Variants in CERT1 observed in about 807,000 individuals in gnomAD.
CERT1 encodes the protein ceramide transporter 1, also known as ceramide transfer protein.
In CERT1, 31 loss-of-function variants were observed where a neutral mutation model predicts 87.9. The ratio of observed to expected loss-of-function variants is 0.35; its 90% CI spans 0.27 to 0.48. The LOEUF (loss-of-function observed/expected upper bound fraction) is 0.48, where lower values mean the gene tolerates loss of function less well. CERT1 is among the 20% of genes least tolerant of loss of function. The pLI, the probability that CERT1 is intolerant of heterozygous loss-of-function variation, is 0.99. For synonymous variants in CERT1, 289 were observed against 250.9 expected (o/e 1.15, Z -1.44); for missense variants, 487 against 758.0 (o/e 0.64, Z 4.20).
At chr5:75,395,046 C>T (rs893247599) in intron 11 of CERT1, among the ~76,000 whole-genome samples, 1 of 152,160 alleles carries the variant, frequency 6.6e-6, no homozygotes, top group Non-Finnish European at 1.5e-5. Context: ...ATTACTACAA[C>T]AATAATGTGC....
intron 2 of CERT1, among the ~76,000 whole-genome samples, chr5:75,504,659 C>G (rs1207707825): frequency 1.4e-5 from 2 of 144,136 alleles, no homozygotes; most frequent in East Asian, 1.9e-4. Context: ...TTAGTAAACT[C>G]TGTATTTTTG....
At chr5:75,404,051 TAA>T (rs987867495) in intron 8 of CERT1, among the ~76,000 whole-genome samples, 2 of 152,084 alleles carry the variant, frequency 1.3e-5, no homozygotes, top group African/African-American at 4.8e-5. Context: ...TTAAAATATA[TAA>T]AATAAGACAC....
intron 3 of CERT1, among the ~76,000 whole-genome samples, chr5:75,430,026 G>GA (rs1225670676): frequency 2.7e-3 from 383 of 143,094 alleles, no homozygotes; most frequent in African/African-American, 8.7e-3. Context: ...GGTCAAAATG[G>GA]AAAAAAAAAA....
intron 2 of CERT1, among the ~76,000 whole-genome samples, chr5:75,497,210 C>A (rs1767116449): frequency 6.6e-6 from 1 of 152,162 alleles, no homozygotes; most frequent in Non-Finnish European, 1.5e-5. Context: ...TCAACTGCAT[C>A]TTTGTCCCCC....
intron 15 of CERT1, 49 bp downstream of exon 15, chr5:75,381,900 A>G (rs775064405): frequency 1.3e-6 from 2 of 1,535,008 alleles, no homozygotes; most frequent in Non-Finnish European, 1.8e-6. Context: ...CGCATTGTGT[A>G]TTTAGCTTTA....
At chr5:75,372,107 T>A (rs1045775223) in intron 17 of CERT1, 29 of 152,236 alleles carry the variant, frequency 1.9e-4, no homozygotes, top group African/African-American at 7.0e-4. Context: ...TTAGTCCAAA[T>A]GCAACTAATG....
intron 3 of CERT1, among the ~76,000 whole-genome samples, chr5:75,452,584 A>C (rs1462201342): frequency 6.6e-6 from 1 of 152,174 alleles, no homozygotes; most frequent in African/African-American, 2.4e-5. Context: ...GATTCTGAAA[A>C]TAATCCTATA....
intron 3 of CERT1, among the ~76,000 whole-genome samples, chr5:75,458,830 G>A (rs777213145): frequency 3.3e-5 from 5 of 152,132 alleles, no homozygotes; most frequent in Admixed American, 6.5e-5. Flanking sequence ...GAATACAGGC[G>A]TGAGCCACCA....
At chr5:75,499,572 TC>T (rs1015792298) in intron 2 of CERT1, among the ~76,000 whole-genome samples, 16 of 152,316 alleles carry the variant, frequency 1.1e-4, no homozygotes, top group African/African-American at 3.6e-4. Flanking sequence ...AAATCTCTTT[TC>T]TTTATAAATT....
intron 3 of CERT1, among the ~76,000 whole-genome samples, chr5:75,452,825 T>C (rs1191662946): frequency 6.6e-6 from 1 of 152,170 alleles, no homozygotes; most frequent in Non-Finnish European, 1.5e-5. Context: ...CTAAGATATT[T>C]AAAACAAAAC....
At chr5:75,455,720 A>G (rs906487336) in intron 3 of CERT1, among the ~76,000 whole-genome samples, 2 of 152,178 alleles carry the variant, frequency 1.3e-5, no homozygotes, top group African/African-American at 4.8e-5. Flanking sequence ...ATACACCACA[A>G]TTTGCAGGAG....
At chr5:75,485,329 A>AG (rs1289190423) in intron 2 of CERT1, among the ~76,000 whole-genome samples, 1 of 149,038 alleles carries the variant, frequency 6.7e-6, no homozygotes, top group Non-Finnish European at 1.5e-5. Context: ...AAAAAAAAAA[A>AG]AAAAAAAAGA....
intron 2 of CERT1, among the ~76,000 whole-genome samples, chr5:75,490,507 A>T (rs10462518): frequency 0.2 from 29,792 of 150,202 alleles, 3,260 homozygotes; most frequent in African/African-American, 0.3. Flanking sequence ...TTATTTATTT[A>T]TTTTTTTTTG....
intron 11 of CERT1, among the ~76,000 whole-genome samples, chr5:75,396,206 T>C (rs1458016204): frequency 1.3e-5 from 2 of 152,204 alleles, no homozygotes; most frequent in East Asian, 1.9e-4. Flanking sequence ...GGAGCTGATA[T>C]AAATGATCAA....
chr5:75,436,819 G>A (rs1483297380), intron 3 of CERT1, among the ~76,000 whole-genome samples: 4 of 152,128 alleles, frequency 2.6e-5, no homozygotes, highest in African/African-American at 4.8e-5. Flanking sequence ...TACCCAGGCT[G>A]GAGTGCAGTG....
chr5:75,491,168 T>G (rs1323753848), intron 2 of CERT1, among the ~76,000 whole-genome samples: 4 of 152,172 alleles, frequency 2.6e-5, no homozygotes, highest in Non-Finnish European at 5.9e-5. Flanking sequence ...GGGGCATTTT[T>G]TCAATATCCT....
chr5:75,491,607 A>C (rs1766802086), intron 2 of CERT1, among the ~76,000 whole-genome samples: 1 of 152,056 alleles, frequency 6.6e-6, no homozygotes, highest in African/African-American at 2.4e-5. Context: ...TCTTGGTCTA[A>C]TTTTCCTTGC....
In CERT1 at chr5:75,432,619, T is replaced by C. The variant is rs772784143; in HGVS notation, c.349-6141A>G. ...GGATATCAGACCTTTGTTGTATGCATAGTTGGCAAATACTTTCTCTCTTTC... is the reference window on the plus strand; with the variant it reads ...GGATATCAGACCTTTGTTGTATGCACAGTTGGCAAATACTTTCTCTCTTTC... On this transcript the variant is annotated intron_variant, in intron 3 of 16. Transcript: ENST00000643780. 2.6e-5 allele frequency among the ~76,000 whole-genome samples: 4 copies of C among 152,240 alleles called. No individual in the cohort carries two copies. In the East Asian group the frequency reaches 5.8e-4, roughly 22 times the overall value.
chr5:75,393,601 T>TGAAAA (rs1388700924), intron 11 of CERT1, among the ~76,000 whole-genome samples: 1 of 4,616 alleles, frequency 2.2e-4, no homozygotes, highest in Non-Finnish European at 3.4e-4. Flanking sequence ...CCTCATCTAC[T>TGAAAA]TAAAAAAAAA....
Sources: allele counts gnomAD v4.1 joint callset (sites outside exome capture counted in the v4.1 genomes callset), GRCh38; gene constraint gnomAD v4.1.1; transcripts MANE v1.5; gene names NCBI Gene and HGNC (gene_info 2026-07-23, HGNC 2026-07-21).